Variants in GSR observed in about 807,000 individuals in gnomAD.
GSR encodes the protein glutathione reductase, mitochondrial.
A neutral mutation model predicts 56.5 loss-of-function variants in GSR; 48 were observed. That is an observed-to-expected ratio of 0.85 (90% CI 0.67 to 1.08). The LOEUF (loss-of-function observed/expected upper bound fraction) is 1.08, where lower values mean the gene tolerates loss of function less well. Ranked by LOEUF, GSR falls within the 50% of genes least tolerant of loss-of-function variation. GSR has a pLI of 0.00. For missense variants in GSR, 694 were observed against 703.3 expected (o/e 0.99, Z 0.15); for synonymous variants, 264 against 270.8 (o/e 0.97, Z 0.25).
chr8:30,680,696 C>G (rs751932305), intron 12 of GSR, among the ~76,000 whole-genome samples: 1 of 151,998 alleles, frequency 6.6e-6, no homozygotes, highest in Admixed American at 6.6e-5. Context: ...CGCCTGGCAT[C>G]GTCTTTATTT....
Position 30,678,257 on chromosome 8 carries a change from C to G in GSR, c.*1263G>C, listed in dbSNP as rs1485586865. 6.6e-6 allele frequency: 1 copy of G among 151,536 alleles called. No homozygotes were observed. The highest frequency in any genetic ancestry group is 1.5e-5 in the Non-Finnish European group (1 of 67,936). 9.4% of individuals were successfully genotyped at this position (151,536 alleles called of 1,614,324 possible). The stretch of plus-strand genomic sequence containing the variant: ...AATCACTTCTAAATGTCTCTCATAT[C>G]TTTCTTCAAGGAGTGGTTTTCCAGG... On this transcript the variant is annotated 3_prime_UTR_variant, in exon 13 of 13. Transcript: ENST00000221130.
At chr8:30,713,563 T>G (rs1804227223) in intron 1 of GSR, among the ~76,000 whole-genome samples, 1 of 152,144 alleles carries the variant, frequency 6.6e-6, no homozygotes, top group Non-Finnish European at 1.5e-5. Context: ...TTCGCCTTGT[T>G]GGCCAGGCTG....
chr8:30,716,915 C>A (rs921651352), intron 1 of GSR, among the ~76,000 whole-genome samples: 1 of 152,050 alleles, frequency 6.6e-6, no homozygotes, highest in African/African-American at 2.4e-5. Context: ...TCTTTCCCCC[C>A]AAATTTTTTT....
chr8:30,723,723 C>T (rs535041186), intron 1 of GSR, among the ~76,000 whole-genome samples: 3 of 151,036 alleles, frequency 2.0e-5, no homozygotes, highest in South Asian at 2.1e-4. Context: ...ACCCAGGAGA[C>T]GGAGGTTGCA....
At chr8:30,679,754 G>A in intron 12 of GSR, 85 bp from the exon 13 acceptor site, 2 of 1,223,406 alleles carry the variant, frequency 1.6e-6, no homozygotes, top group Non-Finnish European at 2.3e-6. Context: ...TGCCCAGGCT[G>A]GAGTGCAATG....
At position 30,679,149 on chromosome 8, in the gene GSR, C is replaced by CAAAAAAAA. The variant is rs35555269; in HGVS notation, c.*363_*370dup. The CAAAAAAAA allele has an allele frequency of 9.4e-6, 1 of 106,348 alleles. No homozygotes were observed. The highest frequency in any genetic ancestry group is 1.8e-5 in the Non-Finnish European group (1 of 56,064). 6.6% of individuals were successfully genotyped at this position (106,348 alleles called of 1,614,324 possible). On this transcript the variant is annotated 3_prime_UTR_variant, in exon 13 of 13. Coordinates refer to ENST00000221130, the MANE Select transcript of GSR (RefSeq NM_000637.5). ...GGGCAATGAGAGCAAAACTCTGTCT[C>CAAAAAAAA]AAAAAAAAAAAAAAAAAAAGTAGCA...
intron 9 of GSR, among the ~76,000 whole-genome samples, chr8:30,686,831 T>C (rs372803959): frequency 6.7e-6 from 1 of 149,976 alleles, no homozygotes; most frequent in Non-Finnish European, 1.5e-5. Flanking sequence ...TCTTTTGGTG[T>C]TTTTTTTTGG....
intron 1 of GSR, among the ~76,000 whole-genome samples, chr8:30,714,955 A>G (rs1049020908): frequency 6.6e-6 from 1 of 152,168 alleles, no homozygotes; most frequent in African/African-American, 2.4e-5. Context: ...ATGGCAGAGT[A>G]TCACAAGTAC....
intron 1 of GSR, among the ~76,000 whole-genome samples, chr8:30,716,539 G>A (rs556461447): frequency 3.2e-4 from 49 of 152,324 alleles, no homozygotes; most frequent in African/African-American, 1.2e-3. Flanking sequence ...TGGGAGTGGC[G>A]GCTCATGCCT....
chr8:30,692,962 A>T lies in GSR; in HGVS notation c.882+7T>A. 2 of 1,589,140 alleles carry T rather than the reference A, an allele frequency of 1.3e-6. No individual in the cohort carries two copies. The highest frequency in any genetic ancestry group is 1.7e-6 in the Non-Finnish European group (2 of 1,158,494). ...GGCCGCGTGCATGCCTGGGCTTGGC[A>T]CTGTACCTGGGAGAACTTCAGCACC... On this transcript the variant is annotated splice_region_variant and intron_variant, in intron 8 of 12. Transcript: ENST00000221130.
intron 4 of GSR, among the ~76,000 whole-genome samples, chr8:30,704,091 G>A (rs191061480): frequency 6.1e-4 from 93 of 152,132 alleles, no homozygotes; most frequent in Non-Finnish European, 1.1e-3. Flanking sequence ...TTGGAAGGCC[G>A]AGGCAGGCAG....
rs1011899338 is a variant in GSR at position 30,701,511 on chromosome 8, C to T, written c.641-1376G>A. On this transcript the variant is annotated intron_variant, in intron 5 of 12. Coordinates refer to ENST00000221130, the MANE Select transcript of GSR (RefSeq NM_000637.5). ...AAAAATATATATGTTGCATTTTGGC[C>T]GGGTGCAGTGGCTCACACCTGTAAT... Among the ~76,000 whole-genome samples the T allele has an allele frequency of 5.3e-5, 8 of 151,072 alleles. No homozygotes were observed. In the South Asian group the frequency reaches 8.4e-4, roughly 16 times the overall value.
At chr8:30,686,355 G>A (rs1032680707) in intron 9 of GSR, among the ~76,000 whole-genome samples, 1 of 151,914 alleles carries the variant, frequency 6.6e-6, no homozygotes, top group African/African-American at 2.4e-5. Context: ...TGTCAAATGA[G>A]ACTGAACCTT....
chr8:30,705,715 G>C (rs1204894490), intron 4 of GSR, among the ~76,000 whole-genome samples: 1 of 152,052 alleles, frequency 6.6e-6, no homozygotes, highest in Non-Finnish European at 1.5e-5. Flanking sequence ...CTGCTCAAGA[G>C]AGTGAGATCC....
intron 1 of GSR, among the ~76,000 whole-genome samples, chr8:30,726,539 G>A (rs771388523): frequency 1.3e-5 from 2 of 152,052 alleles, no homozygotes; most frequent in Non-Finnish European, 2.9e-5. Flanking sequence ...CGGGAAGATC[G>A]GTTGAGTCCA....
intron 1 of GSR, among the ~76,000 whole-genome samples, chr8:30,722,271 A>T (rs1804567558): frequency 1.3e-5 from 2 of 152,148 alleles, no homozygotes; most frequent in African/African-American, 4.8e-5. Context: ...CCACTCCTTT[A>T]TTTGTCACTT....
chr8:30,696,912 C>T (rs1803562013), intron 6 of GSR, among the ~76,000 whole-genome samples: 1 of 152,082 alleles, frequency 6.6e-6, no homozygotes, highest in Non-Finnish European at 1.5e-5. Flanking sequence ...TTAGCCCAGG[C>T]TAGTCTTAGC....
At chr8:30,693,997 T>A (rs1231896595) in intron 7 of GSR, among the ~76,000 whole-genome samples, 2 of 152,196 alleles carry the variant, frequency 1.3e-5, no homozygotes, top group Non-Finnish European at 2.9e-5. Context: ...CTGCAGTTTA[T>A]TTACTTATCT....
At chr8:30,692,495 C>CTTTTTT (rs71206280) in intron 8 of GSR, among the ~76,000 whole-genome samples, 9 of 59,070 alleles carry the variant, frequency 1.5e-4, no homozygotes, top group Non-Finnish European at 2.0e-4. Context: ...CACACCCAGA[C>CTTTTTT]TTTTTTTTTT....
Sources: allele counts gnomAD v4.1 joint callset (sites outside exome capture counted in the v4.1 genomes callset), GRCh38; gene constraint gnomAD v4.1.1; transcripts MANE v1.5; gene names NCBI Gene and HGNC (gene_info 2026-07-23, HGNC 2026-07-21).